ENTREP2: variants seen among roughly 807,000 people sequenced by gnomAD.
ENTREP2 encodes endosomal transmembrane epsin interactor 2, also known as protein ENTREP2.
chr15:29,176,921 T>G, the ENTREP2 span, among the ~76,000 whole-genome samples: 1 of 152,216 alleles, frequency 6.6e-6, no homozygotes, highest in Non-Finnish European at 1.5e-5. Context: ...CTGGATGATC[T>G]ATTTCTGTAA....
At chr15:29,217,281 G>C in the ENTREP2 span, among the ~76,000 whole-genome samples, 1 of 152,158 alleles carries the variant, frequency 6.6e-6, no homozygotes, top group East Asian at 1.9e-4. Flanking sequence ...GCCAGTGAAA[G>C]AGCCAAGATA....
the ENTREP2 span, among the ~76,000 whole-genome samples, chr15:29,482,252 T>C: frequency 6.6e-6 from 1 of 151,566 alleles, no homozygotes; most frequent in Non-Finnish European, 1.5e-5. Flanking sequence ...TCAGGTGATC[T>C]GCCTGCTTCA....
the ENTREP2 span, among the ~76,000 whole-genome samples, chr15:29,492,832 C>T: frequency 6.6e-6 from 1 of 151,778 alleles, no homozygotes; most frequent in Non-Finnish European, 1.5e-5. Flanking sequence ...GGTGAAACCC[C>T]GTCTCTACTA....
chr15:29,273,225 G>C, the ENTREP2 span, among the ~76,000 whole-genome samples: 2 of 145,386 alleles, frequency 1.4e-5, no homozygotes, highest in Non-Finnish European at 3.0e-5. Flanking sequence ...TTGAGATGGA[G>C]TTGCGCTCTG....
chr15:29,302,119 T>C, the ENTREP2 span, among the ~76,000 whole-genome samples: 32 of 152,216 alleles, frequency 2.1e-4, 1 homozygote, highest in Admixed American at 2.0e-3. Context: ...GCTCAGTTTG[T>C]GGCCCATTTT....
the ENTREP2 span, among the ~76,000 whole-genome samples, chr15:29,425,624 C>T: frequency 2.3e-3 from 350 of 152,252 alleles, 3 homozygotes; most frequent in Middle Eastern, 0.01. Flanking sequence ...TATTTCCTAG[C>T]TTATTTACTA....
chr15:29,588,926 G>A, the ENTREP2 span, among the ~76,000 whole-genome samples: 1 of 151,616 alleles, frequency 6.6e-6, no homozygotes, highest in Non-Finnish European at 1.5e-5. Context: ...GGAAGTTGCG[G>A]CTGCCATGAC....
chr15:29,126,613 G>T, the ENTREP2 span: 1 of 785,460 alleles, frequency 1.3e-6, no homozygotes, highest in Non-Finnish European at 2.1e-6. Flanking sequence ...CGGAAACACT[G>T]GATAAGATTG....
chr15:29,262,994 G>A, the ENTREP2 span, among the ~76,000 whole-genome samples: 7 of 152,308 alleles, frequency 4.6e-5, no homozygotes, highest in African/African-American at 1.7e-4. Context: ...TGTGGTGTGA[G>A]AGCAGAGGAA....
At chr15:29,491,535 T>TA in the ENTREP2 span, among the ~76,000 whole-genome samples, 3 of 152,152 alleles carry the variant, frequency 2.0e-5, no homozygotes, top group Non-Finnish European at 4.4e-5. Context: ...CTAGGGTCCC[T>TA]AGGTTTCATA....
chr15:29,478,019 A>ATATATTTTT, the ENTREP2 span, among the ~76,000 whole-genome samples: 2 of 54,286 alleles, frequency 3.7e-5, no homozygotes, highest in South Asian at 9.5e-4. Flanking sequence ...ATATATATAT[A>ATATATTTTT]TTTTTTTTTT....
At chr15:29,503,524 A>G in the ENTREP2 span, among the ~76,000 whole-genome samples, 13 of 152,150 alleles carry the variant, frequency 8.5e-5, no homozygotes, top group East Asian at 9.6e-4. Context: ...ATGATTTAAC[A>G]TAACACTGTG....
the ENTREP2 span, among the ~76,000 whole-genome samples, chr15:29,188,523 T>G: frequency 6.6e-6 from 1 of 152,192 alleles, no homozygotes; most frequent in Non-Finnish European, 1.5e-5. Context: ...GGTTTTCTGT[T>G]CCTGTGTTAG....
the ENTREP2 span, among the ~76,000 whole-genome samples, chr15:29,344,541 A>G: frequency 0.06 from 9,202 of 152,206 alleles, 692 homozygotes; most frequent in African/African-American, 0.18. Flanking sequence ...GCTGATGTTC[A>G]TAACACATGG....
chr15:29,433,737 G>T, the ENTREP2 span, among the ~76,000 whole-genome samples: 1 of 150,766 alleles, frequency 6.6e-6, no homozygotes, highest in African/African-American at 2.5e-5. Flanking sequence ...GTCCCTCAAG[G>T]GGTCTCAAGG....
At chr15:29,466,182 G>T in the ENTREP2 span, among the ~76,000 whole-genome samples, 1 of 152,146 alleles carries the variant, frequency 6.6e-6, no homozygotes, top group African/African-American at 2.4e-5. Context: ...GAGCAGCTCC[G>T]AGCAACAGTG....
At chr15:29,673,108 T>C in the ENTREP2 span, among the ~76,000 whole-genome samples, 3 of 152,134 alleles carry the variant, frequency 2.0e-5, no homozygotes, top group Admixed American at 6.5e-5. Context: ...TGAACCGTAA[T>C]GGTGCTGGTA....
At chr15:29,364,651 T>A in the ENTREP2 span, among the ~76,000 whole-genome samples, 1 of 152,224 alleles carries the variant, frequency 6.6e-6, no homozygotes, top group Admixed American at 6.5e-5. Context: ...GAGACAGAGA[T>A]AGATCATGCC....
At chr15:29,398,204 T>C in the ENTREP2 span, among the ~76,000 whole-genome samples, 8,734 of 149,554 alleles carry the variant, frequency 0.058, 260 homozygotes, top group South Asian at 0.093. Context: ...CAAAAACTCA[T>C]AGGACAGTGC....
Sources: allele counts gnomAD v4.1 joint callset (sites outside exome capture counted in the v4.1 genomes callset), GRCh38; gene constraint gnomAD v4.1.1; transcripts MANE v1.5; gene names NCBI Gene and HGNC (gene_info 2026-07-23, HGNC 2026-07-21).